The following RGL1 variants were observed in gnomAD, a reference collection of about 807,000 sequenced individuals.
The protein encoded by RGL1 is ral guanine nucleotide dissociation stimulator-like 1.
RGL1 carries 24 observed loss-of-function variants against 95.2 expected under a neutral mutation model. The observed-to-expected ratio is 0.25, with a 90% CI of 0.18 to 0.35. The LOEUF (loss-of-function observed/expected upper bound fraction) is 0.35. RGL1 is among the 10% of genes least tolerant of loss of function. The probability of loss-of-function intolerance (pLI) is 1.00; values close to 1 mark genes in which losing one functional copy is unlikely to be tolerated. For missense variants in RGL1, 715 were observed against 936.3 expected, an observed-to-expected ratio of 0.76 and a Z score of 3.08; for synonymous variants, 329 against 344.9, an observed-to-expected ratio of 0.95 and a Z score of 0.51.
intron 1 of RGL1, among the ~76,000 whole-genome samples, chr1:183,666,449 A>G (rs1325844628): frequency 3.3e-5 from 5 of 152,026 alleles, no homozygotes; most frequent in Non-Finnish European, 5.9e-5. Flanking sequence ...TTATTCTTTG[A>G]CCTATGTATT....
At chr1:183,841,678 T>A (rs1664070367) in intron 2 of RGL1, among the ~76,000 whole-genome samples, 1 of 152,232 alleles carries the variant, frequency 6.6e-6, no homozygotes, top group Non-Finnish European at 1.5e-5. Context: ...GGCCTTGTCA[T>A]GTTCTGCTGG....
chr1:183,718,116 C>T (rs995223299), intron 1 of RGL1, among the ~76,000 whole-genome samples: 2 of 151,814 alleles, frequency 1.3e-5, no homozygotes, highest in African/African-American at 2.4e-5. Context: ...CATGGTGGCA[C>T]ACGTCTGTAG....
At chr1:183,710,743 C>T (rs1655213617) in intron 1 of RGL1, among the ~76,000 whole-genome samples, 1 of 152,176 alleles carries the variant, frequency 6.6e-6, no homozygotes. Flanking sequence ...AACTCCCTCA[C>T]TATCAAGAGA....
chr1:183,720,377 T>G lies in RGL1; in HGVS notation c.-32-21749T>G, dbSNP rs570225929. On this transcript the variant is annotated intron_variant, in intron 1 of 18. Coordinates refer to the RGL1 transcript ENST00000304685. Reference sequence around the variant, plus strand: ...CATGCATGCCCTGAAGTGAAATCTTTCATACCGTCCCTATACTCCCTCTTC... The same window carrying G: ...CATGCATGCCCTGAAGTGAAATCTTGCATACCGTCCCTATACTCCCTCTTC... 1.3e-4 allele frequency among the ~76,000 whole-genome samples: 20 copies of G among 152,332 alleles called. No individual in the cohort carries two copies. The South Asian group carries it at 3.5e-3, about 27-fold the overall frequency.
intron 2 of RGL1, among the ~76,000 whole-genome samples, chr1:183,785,025 T>C (rs1245905421): frequency 6.6e-6 from 1 of 152,232 alleles, no homozygotes; most frequent in Non-Finnish European, 1.5e-5. Flanking sequence ...TGGAAAAAGT[T>C]AAAATTTATA....
At chr1:183,650,370 C>T (rs1650639994) in intron 1 of RGL1, among the ~76,000 whole-genome samples, 1 of 151,956 alleles carries the variant, frequency 6.6e-6, no homozygotes, top group African/African-American at 2.4e-5. Context: ...GGTGAAACCC[C>T]GTCTCTACTA....
At chr1:183,670,832 TG>T (rs1652394459) in intron 1 of RGL1, among the ~76,000 whole-genome samples, 1 of 152,262 alleles carries the variant, frequency 6.6e-6, no homozygotes, top group Non-Finnish European at 1.5e-5. Flanking sequence ...TTCCATCGTA[TG>T]GATATACTAC....
chr1:183,820,786 A>G (rs1034222661), intron 2 of RGL1, among the ~76,000 whole-genome samples: 2 of 152,180 alleles, frequency 1.3e-5, no homozygotes, highest in Non-Finnish European at 2.9e-5. Context: ...TTAAAATGGT[A>G]ATACTGTGGG....
At position 183,875,459 on chromosome 1, in the gene RGL1, C is replaced by T. The variant is rs151176780; in HGVS notation, c.426-5157C>T. Among the ~76,000 whole-genome samples, 27 of 152,310 alleles carry T rather than the reference C, an allele frequency of 1.8e-4. No homozygotes were observed. In the East Asian group the frequency reaches 4.4e-3, roughly 25 times the overall value. The stretch of plus-strand genomic sequence containing the variant: ...GCTTGCCTCAGCCCTCTCTGCATTG[C>T]GTGCCTGAAGATCGTGGGGTGGCTA... On this transcript the variant is annotated intron_variant, in intron 4 of 17. Coordinates refer to ENST00000360851, the MANE Select transcript of RGL1 (RefSeq NM_001297671.3).
chr1:183,789,373 C>G (rs1008649870), intron 2 of RGL1, among the ~76,000 whole-genome samples: 4 of 152,148 alleles, frequency 2.6e-5, no homozygotes, highest in African/African-American at 9.7e-5. Flanking sequence ...TTGCTCGAAC[C>G]CGGGAGGTGG....
intron 1 of RGL1, among the ~76,000 whole-genome samples, chr1:183,706,005 A>T (rs1360475852): frequency 2.0e-5 from 3 of 152,120 alleles, no homozygotes; most frequent in African/African-American, 7.2e-5. Context: ...GAAGTATCCC[A>T]AACAGTGGGG....
rs146808525 is a variant in RGL1, at chr1:183,904,982, C to T, written c.1472+11C>T. 3,619 of 1,608,590 alleles carry T rather than the reference C, an allele frequency of 2.2e-3. 32 individuals are homozygous for T. The highest frequency in any genetic ancestry group is 0.021 in the African/African-American group (1,565 of 74,640). ...GACAGAGGAGGAGAGGTGGGATCAC[C>T]TGTCGTTCATCGGGGTAGAACTGAA... On this transcript the variant is annotated intron_variant, in intron 13 of 17. Transcript: ENST00000360851.
chr1:183,761,028 G>A (rs1054686076), intron 2 of RGL1, among the ~76,000 whole-genome samples: 6 of 152,122 alleles, frequency 3.9e-5, no homozygotes, highest in African/African-American at 1.2e-4. Context: ...CCATTGCACT[G>A]GCAGTTGCTT....
chr1:183,813,052 G>T (rs182203549), intron 2 of RGL1, among the ~76,000 whole-genome samples: 1 of 152,312 alleles, frequency 6.6e-6, no homozygotes, highest in Admixed American at 6.5e-5. Flanking sequence ...AGCTGCAGGG[G>T]AGATGCATCG....
intron 2 of RGL1, among the ~76,000 whole-genome samples, chr1:183,791,399 C>T (rs931817872): frequency 2.6e-5 from 4 of 152,120 alleles, no homozygotes; most frequent in Non-Finnish European, 5.9e-5. Context: ...ATTTTTGTTA[C>T]AATTATATTT....
At chr1:183,639,719 G>GA (rs1307030575) in intron 1 of RGL1, among the ~76,000 whole-genome samples, 1 of 149,522 alleles carries the variant, frequency 6.7e-6, no homozygotes, top group Non-Finnish European at 1.5e-5. Flanking sequence ...AAAAATCAGG[G>GA]AAAAAAATCT....
At chr1:183,920,418 C>T (rs12563980) in intron 16 of RGL1, among the ~76,000 whole-genome samples, 42,355 of 152,180 alleles carry the variant, frequency 0.28, 6,113 homozygotes, top group East Asian at 0.49. Context: ...CTAATTCAGT[C>T]TATCAGCATA....
chr1:183,665,415 A>G (rs1052688627), intron 1 of RGL1, among the ~76,000 whole-genome samples: 4 of 152,182 alleles, frequency 2.6e-5, no homozygotes, highest in Admixed American at 6.5e-5. Flanking sequence ...TGAGTTAGTA[A>G]GTCTTTCACT....
At chr1:183,858,051 A>G (rs183110153) in intron 3 of RGL1, among the ~76,000 whole-genome samples, 34 of 152,318 alleles carry the variant, frequency 2.2e-4, no homozygotes, top group African/African-American at 7.7e-4. Context: ...AAGGGAGGCA[A>G]GGACATGCAA....
Sources: allele counts gnomAD v4.1 joint callset (sites outside exome capture counted in the v4.1 genomes callset), GRCh38; gene constraint gnomAD v4.1.1; transcripts MANE v1.5; gene names NCBI Gene and HGNC (gene_info 2026-07-23, HGNC 2026-07-21).